Variants in FOXN3 observed in about 807,000 individuals in gnomAD.
FOXN3 encodes the protein forkhead box protein N3.
In FOXN3, 7 loss-of-function variants were observed where a neutral mutation model predicts 38.4. That is an observed-to-expected ratio of 0.18 (90% confidence interval 0.10 to 0.34). FOXN3 has a LOEUF of 0.34. Ranked by LOEUF, FOXN3 falls within the 10% of genes least tolerant of loss-of-function variation. The probability of loss-of-function intolerance (pLI) is 1.00; values close to 1 mark genes in which losing one functional copy is unlikely to be tolerated. For missense variants in FOXN3, 456 were observed against 613.4 expected (o/e 0.74, Z 2.71); for synonymous variants, 230 against 242.2 (o/e 0.95, Z 0.47).
At chr14:89,476,753 C>T (rs892473856) in intron 1 of FOXN3, among the ~76,000 whole-genome samples, 1 of 152,198 alleles carries the variant, frequency 6.6e-6, no homozygotes, top group African/African-American at 2.4e-5. Context: ...AGACCGATGC[C>T]TGTTTATCTT....
chr14:89,199,982 G>C (rs1017336645), intron 4 of FOXN3, among the ~76,000 whole-genome samples: 1 of 152,116 alleles, frequency 6.6e-6, no homozygotes, highest in African/African-American at 2.4e-5. Context: ...AACATCCTCA[G>C]GTTTTGGTAT....
intron 1 of FOXN3, among the ~76,000 whole-genome samples, chr14:89,561,850 T>C (rs1895255855): frequency 6.6e-6 from 1 of 152,186 alleles, no homozygotes; most frequent in Non-Finnish European, 1.5e-5. Context: ...TAAATAAACA[T>C]CACTAATTTT....
chr14:89,510,158 T>C (rs1045368184), intron 1 of FOXN3, among the ~76,000 whole-genome samples: 3 of 152,126 alleles, frequency 2.0e-5, no homozygotes, highest in Non-Finnish European at 4.4e-5. Context: ...AATTCCTCCA[T>C]GATGCACATG....
At chr14:89,255,015 G>T (rs535561011) in intron 4 of FOXN3, among the ~76,000 whole-genome samples, 1 of 151,260 alleles carries the variant, frequency 6.6e-6, no homozygotes, top group Admixed American at 6.6e-5. Flanking sequence ...GATTTCCCAT[G>T]TGCGGCGCAT....
intron 1 of FOXN3, among the ~76,000 whole-genome samples, chr14:89,604,716 T>C (rs949226970): frequency 1.3e-5 from 2 of 152,132 alleles, no homozygotes; most frequent in African/African-American, 4.8e-5. Context: ...TACAAATAAG[T>C]TGACATCTGA....
chr14:89,384,314 T>C (rs1890736731), intron 2 of FOXN3, among the ~76,000 whole-genome samples: 1 of 129,444 alleles, frequency 7.7e-6, no homozygotes, highest in Non-Finnish European at 1.8e-5. Flanking sequence ...GTGCTCACTT[T>C]GCAGATATAG....
In FOXN3 at chr14:89,455,299, C is replaced by T. The variant is rs1382274084; in HGVS notation, c.-14-42809G>A. ...GAAAAGGAAAATTTGAGAAAAGCTC[C>T]GCTAGCATCATCTGGAGTTAGAGTC... On this transcript the variant is annotated intron_variant, in intron 1 of 6. Transcript: ENST00000345097. Among the ~76,000 whole-genome samples, 7 of 152,214 alleles carry T rather than the reference C, an allele frequency of 4.6e-5. No homozygotes were observed. In the South Asian group the frequency reaches 8.3e-4, roughly 18 times the overall value.
At chr14:89,168,813 A>G (rs1353006911) in intron 5 of FOXN3, among the ~76,000 whole-genome samples, 3 of 152,228 alleles carry the variant, frequency 2.0e-5, no homozygotes, top group Admixed American at 1.3e-4. Context: ...GAGACACATC[A>G]CAGTCAAACT....
At chr14:89,274,630 C>G (rs1234489021) in intron 4 of FOXN3, among the ~76,000 whole-genome samples, 12 of 152,130 alleles carry the variant, frequency 7.9e-5, no homozygotes, top group Admixed American at 7.9e-4. Flanking sequence ...GGGATTCAGC[C>G]CCAGTTAACT....
chr14:89,180,914 G>GA, intron 4 of FOXN3, 108 bp from the exon 5 acceptor site: 2 of 574,018 alleles, frequency 3.5e-6, no homozygotes. Flanking sequence ...GAGAGACAGA[G>GA]GGCAGAGACA....
In FOXN3 at chr14:89,584,948, T is replaced by A. The variant is rs376304607; in HGVS notation, c.-15+34080A>T. Reference sequence around the variant, plus strand: ...CCAGGCTGGTCTTGAACTCCTGACCTCAGGTGATCCGCCCGCCTCAGCCTC... The same window carrying A: ...CCAGGCTGGTCTTGAACTCCTGACCACAGGTGATCCGCCCGCCTCAGCCTC... On this transcript the variant is annotated intron_variant, in intron 1 of 6. Coordinates refer to the FOXN3 transcript ENST00000345097. 5.3e-5 allele frequency among the ~76,000 whole-genome samples: 8 copies of A among 152,320 alleles called. No individual in the cohort carries two copies. In the East Asian group the frequency reaches 7.7e-4, roughly 15 times the overall value.
chr14:89,530,406 G>A (rs534070758), intron 1 of FOXN3, among the ~76,000 whole-genome samples: 63 of 152,106 alleles, frequency 4.1e-4, no homozygotes, highest in Middle Eastern at 3.4e-3. Flanking sequence ...AAAACCATCA[G>A]ATCTCATGAG....
At chr14:89,349,075 CGG>C (rs951194457) in intron 3 of FOXN3, among the ~76,000 whole-genome samples, 61 of 151,912 alleles carry the variant, frequency 4.0e-4, no homozygotes, top group African/African-American at 1.4e-3. Context: ...CTTGGAGAGT[CGG>C]GGGGTGGGGG....
At chr14:89,536,301 G>GT (rs1308063453) in intron 1 of FOXN3, among the ~76,000 whole-genome samples, 2 of 152,212 alleles carry the variant, frequency 1.3e-5, no homozygotes, top group Non-Finnish European at 2.9e-5. Context: ...TCTCTAAAAT[G>GT]TAAGTAATAG....
intron 3 of FOXN3, among the ~76,000 whole-genome samples, chr14:89,332,014 A>G (rs1264275066): frequency 6.6e-6 from 1 of 152,176 alleles, no homozygotes; most frequent in Non-Finnish European, 1.5e-5. Context: ...AGAAGTTATA[A>G]TGAGCTGCGT....
At chr14:89,414,831 G>A (rs1033176724) in intron 1 of FOXN3, among the ~76,000 whole-genome samples, 4 of 152,124 alleles carry the variant, frequency 2.6e-5, no homozygotes, top group Admixed American at 6.5e-5. Context: ...GATTACAGGC[G>A]TGAGCCACCG....
chr14:89,200,765 T>G (rs930769078), intron 4 of FOXN3, among the ~76,000 whole-genome samples: 1 of 152,208 alleles, frequency 6.6e-6, no homozygotes. Context: ...TCCAGCCCTT[T>G]GACAAGACAC....
intron 1 of FOXN3, among the ~76,000 whole-genome samples, chr14:89,453,374 G>A (rs533050032): frequency 7.3e-5 from 11 of 151,712 alleles, no homozygotes; most frequent in Admixed American, 3.9e-4. Flanking sequence ...GGCTAACACG[G>A]TGAAACCCTG....
intron 1 of FOXN3, among the ~76,000 whole-genome samples, chr14:89,581,736 T>C (rs933121119): frequency 9.9e-5 from 15 of 152,166 alleles, no homozygotes; most frequent in African/African-American, 3.4e-4. Flanking sequence ...ACAGTGGACA[T>C]GGGTCTCTTC....
Sources: allele counts gnomAD v4.1 joint callset (sites outside exome capture counted in the v4.1 genomes callset), GRCh38; gene constraint gnomAD v4.1.1; transcripts MANE v1.5; gene names NCBI Gene and HGNC (gene_info 2026-07-23, HGNC 2026-07-21).